FAM120C: variants seen among roughly 807,000 people sequenced by gnomAD.
The protein encoded by FAM120C is constitutive coactivator of PPAR-gamma-like protein 2.
Under a neutral mutation model 71.2 loss-of-function variants are expected in FAM120C, and 14 were observed. That is an observed-to-expected ratio of 0.20 (90% CI 0.13 to 0.31). The LOEUF (loss-of-function observed/expected upper bound fraction) is 0.31, where lower values mean the gene tolerates loss of function less well. FAM120C is among the 10% of genes least tolerant of loss of function. The pLI is 1.00. For synonymous variants in FAM120C, 354 were observed against 353.2 expected (o/e 1.00, Z -0.03); for missense variants, 500 against 879.0 (o/e 0.57, Z 5.45).
Position 54,131,764 on chromosome X carries a change from C to CT in FAM120C, c.2062+927dup, listed in dbSNP as rs1159999310. Among the ~76,000 whole-genome samples, 214 of 101,189 alleles carry CT rather than the reference C, an allele frequency of 2.1e-3. 1 individual carries two copies. The highest frequency in any genetic ancestry group is 7.7e-3 in the African/African-American group (196 of 25,432). 87.9% of individuals were successfully genotyped at this position (101,189 alleles called of 115,157 possible). A position where few individuals can be genotyped will look rare whatever the true frequency, so the allele number is the denominator to read the frequency against. On this transcript the variant is annotated intron_variant, in intron 9 of 15. Coordinates refer to ENST00000375180, the MANE Select transcript of FAM120C (RefSeq NM_017848.6). ...GTTTTTCTTTTTTCTTTCTTTCTTT[C>CT]TTTTTTTTTTTTTTTGAGACGGAGT...
In FAM120C at chrX:54,091,328, C is replaced by T. The variant is rs782272291; in HGVS notation, c.2411G>A (p.Arg804Gln). The T allele has an allele frequency of 9.1e-6, 11 of 1,203,298 alleles. No individual in the cohort carries two copies. Among genetic ancestry groups the T allele is most frequent in the Non-Finnish European group, 1.0e-5 (9 of 888,809 alleles). The change falls in exon 11 of 16, where the codon CGA (arginine) becomes CAA (glutamine). Residue 804 changes from arginine to glutamine, a missense_variant. Arg to Gln is a conservative substitution (Grantham distance 43). Around this residue, in one of 11 missense-constraint regions of FAM120C, gnomAD observed 104 missense variants for 254.5 expected, o/e 0.41. Transcript: ENST00000375180. ...TGAACTCACCTTGAGTTCTTGGAGTCGATCTGGTTCATAAAGCTGGGTAGA... is the reference window on the plus strand; with the variant it reads ...TGAACTCACCTTGAGTTCTTGGAGTTGATCTGGTTCATAAAGCTGGGTAGA... ...AVSTQLYEPDRLQELKIEKLD... is the reference protein window; with the variant it reads ...AVSTQLYEPDQLQELKIEKLD...
intron 1 of FAM120C, among the ~76,000 whole-genome samples, chrX:54,178,211 G>C (rs1185732195): frequency 1.8e-5 from 2 of 112,225 alleles, no homozygotes; most frequent in East Asian, 5.6e-4. Flanking sequence ...CTGTAGAAAG[G>C]ACAGGGATTA....
At chrX:54,148,280 T>TA (rs1326286798) in intron 4 of FAM120C, among the ~76,000 whole-genome samples, 11 of 105,702 alleles carry the variant, frequency 1.0e-4, no homozygotes, top group East Asian at 2.9e-4. Context: ...AAACCAATTT[T>TA]AAAAAAAAAA....
At chrX:54,098,617 TTTTTATTTTA>T (rs782318843) in intron 10 of FAM120C, among the ~76,000 whole-genome samples, 8 of 111,352 alleles carry the variant, frequency 7.2e-5, no homozygotes, top group Non-Finnish European at 1.3e-4. Context: ...TATATGTTCT[TTTTTATTTTA>T]TTTTATTTTA....
rs782018071 is a variant in FAM120C at position 54,156,469 on chromosome X, C to T, written c.1029+1220G>A. Reference sequence around the variant, plus strand: ...TCCTGAGTGGCTGGGACTACAGGCACGTGCCACCACACCTGGCTAATTTTT... The same window carrying T: ...TCCTGAGTGGCTGGGACTACAGGCATGTGCCACCACACCTGGCTAATTTTT... On this transcript the variant is annotated intron_variant, in intron 3 of 15. Coordinates refer to ENST00000375180, the MANE Select transcript of FAM120C (RefSeq NM_017848.6). Among the ~76,000 whole-genome samples the T allele has an allele frequency of 8.3e-5, 9 of 108,031 alleles. No homozygotes were observed. The East Asian group carries it at 2.1e-3, about 25-fold the overall frequency. The allele number at this position is 108,031 out of a possible 115,157, so 93.8% of individuals were successfully genotyped here.
intron 15 of FAM120C, among the ~76,000 whole-genome samples, chrX:54,079,167 C>A (rs995158304): frequency 1.5e-4 from 16 of 104,377 alleles, no homozygotes; most frequent in African/African-American, 5.7e-4. Context: ...GAGGTTGAGG[C>A]AGGAGAATGG....
intron 1 of FAM120C, among the ~76,000 whole-genome samples, chrX:54,165,201 T>C (rs1403177670): frequency 5.4e-5 from 6 of 111,552 alleles, no homozygotes; most frequent in African/African-American, 2.0e-4. Flanking sequence ...GTGCCTATTC[T>C]ACTTTCTATG....
At chrX:54,112,246 GTC>G (rs1371105855) in intron 10 of FAM120C, among the ~76,000 whole-genome samples, 1 of 110,129 alleles carries the variant, frequency 9.1e-6, no homozygotes, top group African/African-American at 3.3e-5. Flanking sequence ...ATGAAACCCT[GTC>G]TCTACTAAAA....
intron 13 of FAM120C, among the ~76,000 whole-genome samples, chrX:54,084,638 G>A (rs2066784381): frequency 1.8e-5 from 2 of 109,732 alleles, no homozygotes; most frequent in Non-Finnish European, 3.8e-5. Flanking sequence ...AGACCAGCCT[G>A]ACGAATATGG....
chrX:54,110,474 C>A (rs2066930944), intron 10 of FAM120C, among the ~76,000 whole-genome samples: 1 of 109,790 alleles, frequency 9.1e-6, no homozygotes, highest in African/African-American at 3.3e-5. Flanking sequence ...AAAATCAATG[C>A]CTAGTGATGA....
In FAM120C at chrX:54,110,920, C is replaced by T. The variant is rs868983750; in HGVS notation, c.2312+5625G>A. Among the ~76,000 whole-genome samples the T allele has an allele frequency of 5.5e-5, 6 of 109,291 alleles. No homozygotes were observed. The South Asian group carries it at 1.6e-3, about 29-fold the overall frequency. The allele number at this position is 109,291 out of a possible 115,157, so 94.9% of individuals were successfully genotyped here. A position where few individuals can be genotyped will look rare whatever the true frequency, so the allele number is the denominator to read the frequency against. ...ACTAAAAATACAAAAATTGGCCAGG[C>T]GTGGTGGTGGGCCCCTGTAATCCCA... On this transcript the variant is annotated intron_variant, in intron 10 of 15. Coordinates refer to ENST00000375180, the MANE Select transcript of FAM120C (RefSeq NM_017848.6).
At chrX:54,139,616 C>T (rs2067113713) in intron 4 of FAM120C, among the ~76,000 whole-genome samples, 1 of 111,054 alleles carries the variant, frequency 9.0e-6, no homozygotes, top group African/African-American at 3.3e-5. Flanking sequence ...TCTGGAATTA[C>T]AGGCGTGAGC....
intron 4 of FAM120C, among the ~76,000 whole-genome samples, chrX:54,148,177 AG>A (rs2067166826): frequency 9.0e-6 from 1 of 111,563 alleles, no homozygotes; most frequent in Admixed American, 9.6e-5. Context: ...AGACAACTAC[AG>A]ACTGGGGGAA....
At chrX:54,146,848 A>T (rs2067158846) in intron 4 of FAM120C, among the ~76,000 whole-genome samples, 1 of 111,731 alleles carries the variant, frequency 9.0e-6, no homozygotes, top group African/African-American at 3.2e-5. Context: ...TGGCCAATTT[A>T]TTTTTAACAA....
At chrX:54,108,480 A>G (rs2066918156) in intron 10 of FAM120C, among the ~76,000 whole-genome samples, 1 of 111,518 alleles carries the variant, frequency 9.0e-6, no homozygotes, top group Non-Finnish European at 1.9e-5. Context: ...GATAACTAGT[A>G]TAAGTCTCAA....
chrX:54,104,660 T>A (rs1328064934), intron 10 of FAM120C, among the ~76,000 whole-genome samples: 1 of 109,428 alleles, frequency 9.1e-6, no homozygotes, highest in Non-Finnish European at 1.9e-5. Context: ...ATACAAAAAT[T>A]AGCCAGGTGT....
chrX:54,087,543 A>G (rs1274377269), intron 12 of FAM120C, among the ~76,000 whole-genome samples: 1 of 111,657 alleles, frequency 9.0e-6, no homozygotes, highest in Non-Finnish European at 1.9e-5. Context: ...CTTTAAGCTC[A>G]TTAAAAAAAA....
chrX:54,093,432 T>TCCA (rs1557122867), intron 10 of FAM120C, among the ~76,000 whole-genome samples: 1 of 112,106 alleles, frequency 8.9e-6, no homozygotes, highest in African/African-American at 3.2e-5. Context: ...TAGAGAAGGC[T>TCCA]CCACAGAGGA....
chrX:54,129,913 G>A (rs1557128996), intron 9 of FAM120C, among the ~76,000 whole-genome samples: 1 of 109,379 alleles, frequency 9.1e-6, no homozygotes, highest in African/African-American at 3.3e-5. Context: ...GCAGGCACTC[G>A]GCAGGCTGAG....
Sources: allele counts gnomAD v4.1 joint callset (sites outside exome capture counted in the v4.1 genomes callset), GRCh38; gene constraint gnomAD v4.1.1; regional missense constraint gnomAD v4.1.1; transcripts MANE v1.5; gene names NCBI Gene and HGNC (gene_info 2026-07-23, HGNC 2026-07-21).